The following GPR26 variants were observed in gnomAD, a reference collection of about 807,000 sequenced individuals.
GPR26 encodes the protein G protein-coupled receptor 26.
GPR26 carries 15 observed loss-of-function variants against 23.1 expected under a neutral mutation model. The observed-to-expected ratio is 0.65, with a 90% confidence interval of 0.43 to 1.00. The LOEUF is 1.00. GPR26 is among the 50% of genes least tolerant of loss of function. GPR26 has a pLI of 0.00. For synonymous variants in GPR26, 228 were observed against 222.1 expected (o/e 1.03, Z -0.24); for missense variants, 359 against 470.5 (o/e 0.76, Z 2.19).
In GPR26 at chr10:123,687,859, C is replaced by T; in HGVS notation, c.783-70C>T. ...CCGTGGTCTGCAGGGCACAGACAGG[C>T]CCTGGCCCATGGCCACTCCCAGCGG... On this transcript the variant is annotated intron_variant, in intron 2 of 2. Transcript: ENST00000284674. 9 of 1,057,108 alleles carry T rather than the reference C, an allele frequency of 8.5e-6. No homozygotes were observed. In the South Asian group the frequency reaches 1.0e-4, roughly 12 times the overall value. The allele number at this position is 1,057,108 out of a possible 1,614,324, so 65.5% of individuals were successfully genotyped here.
chr10:123,682,790 C>A (rs1469668250), intron 2 of GPR26, among the ~76,000 whole-genome samples: 1 of 152,078 alleles, frequency 6.6e-6, no homozygotes, highest in Non-Finnish European at 1.5e-5. Flanking sequence ...AGGGGATTCC[C>A]AAAGATTGAT....
At chr10:123,673,596 T>C (rs1366881095) in intron 1 of GPR26, among the ~76,000 whole-genome samples, 1 of 152,218 alleles carries the variant, frequency 6.6e-6, no homozygotes. Context: ...CAAAGCTATG[T>C]CATTGATTCC....
chr10:123,678,207 G>A (rs567096209), intron 2 of GPR26, among the ~76,000 whole-genome samples: 21 of 152,276 alleles, frequency 1.4e-4, no homozygotes, highest in Admixed American at 1.4e-3. Flanking sequence ...CATTTCAGGT[G>A]ACACCCGTGC....
In GPR26 at chr10:123,674,883, C is replaced by T; in HGVS notation, c.734C>T (p.Thr245Ile). ...RRQRATKKIS[T>I]FIGTFLVCFA... ...CAGCGAGCCACCAAGAAGATCAGCA[C>T]CTTCATAGGGACCTTCCTTGTGTGC... The change falls in exon 2 of 3, where the codon ACC (threonine) becomes ATC (isoleucine). Residue 245 changes from threonine (T) to isoleucine (I), a missense_variant. Physicochemically the swap from Thr to Ile is moderately conservative, Grantham distance 89. Transcript: ENST00000284674. This position sits in a 1 kb window ranked among gnomAD's most constrained non-coding sequence, Gnocchi z 4.1. 6.2e-7 allele frequency: 1 copy of T among 1,613,730 alleles called. No homozygotes were observed. The highest frequency in any genetic ancestry group is 1.3e-5 in the African/African-American group (1 of 75,026).
rs12240794 is a variant in GPR26, at chr10:123,695,375, G to A, written c.*7215G>A. 0.035 allele frequency among the ~76,000 whole-genome samples: 5,396 copies of A among 152,226 alleles called. 141 individuals carry two copies. The highest frequency in any genetic ancestry group is 0.052 in the Non-Finnish European group (3,549 of 68,008). On this transcript the variant is annotated 3_prime_UTR_variant, in exon 3 of 3. Coordinates refer to ENST00000284674, the MANE Select transcript of GPR26 (RefSeq NM_153442.4). Reference sequence around the variant, plus strand: ...CACTGTTGTACTCATTCCCTGGCACGGAAGAATTGTTGCACATCTTTAATA... The same window carrying A: ...CACTGTTGTACTCATTCCCTGGCACAGAAGAATTGTTGCACATCTTTAATA...
At chr10:123,687,076 C>A (rs940234295) in intron 2 of GPR26, among the ~76,000 whole-genome samples, 1 of 152,014 alleles carries the variant, frequency 6.6e-6, no homozygotes, top group Non-Finnish European at 1.5e-5. Flanking sequence ...GGTATTAGCA[C>A]CCTTGCCTGG....
rs1020024954 is a variant in GPR26 at position 123,669,158 on chromosome 10, G to T, written c.668+2083G>T. Among the ~76,000 whole-genome samples, 4 of 152,240 alleles carry T rather than the reference G, an allele frequency of 2.6e-5. No homozygotes were observed. In the East Asian group the frequency reaches 5.8e-4, roughly 22 times the overall value. On this transcript the variant is annotated intron_variant, in intron 1 of 2. Transcript: ENST00000284674. ...GCCCAGTCTCATTGGAGAGAGAAAA[G>T]ACTTCTGGGGCCGGGGTTGCCATCG...
At chr10:123,684,809 A>G (rs560605306) in intron 2 of GPR26, among the ~76,000 whole-genome samples, 1 of 152,360 alleles carries the variant, frequency 6.6e-6, no homozygotes, top group East Asian at 1.9e-4. Flanking sequence ...ATTTCTAAGT[A>G]GGATCACATT....
intron 2 of GPR26, among the ~76,000 whole-genome samples, 157 bp downstream of exon 2, chr10:123,675,088 C>T (rs969501094): frequency 6.6e-6 from 1 of 152,144 alleles, no homozygotes; most frequent in African/African-American, 2.4e-5. Flanking sequence ...CAGGAGGCTG[C>T]TTGCTTTTCC....
intron 1 of GPR26, among the ~76,000 whole-genome samples, chr10:123,672,587 C>T (rs1317170036): frequency 2.0e-5 from 3 of 152,214 alleles, no homozygotes; most frequent in South Asian, 4.1e-4. Flanking sequence ...TCTCTGGTTA[C>T]AGCTGTCTCT....
rs188621259 is a variant in GPR26, at chr10:123,682,582, A to G, written c.783-5347A>G. On this transcript the variant is annotated intron_variant, in intron 2 of 2. Transcript: ENST00000284674. ...GTTCTCATCCAAAAGCTCAAATGAC[A>G]TATTTTCTGAATTAAAATCCACATG... is the stretch of plus-strand genomic sequence containing the variant. 2.0e-3 allele frequency among the ~76,000 whole-genome samples: 300 copies of G among 152,322 alleles called. 1 individual carries two copies. The highest frequency in any genetic ancestry group is 6.5e-3 in the African/African-American group (269 of 41,566).
At chr10:123,675,788 G>T (rs959086287) in intron 2 of GPR26, among the ~76,000 whole-genome samples, 2 of 138,504 alleles carry the variant, frequency 1.4e-5, no homozygotes, top group African/African-American at 2.7e-5. Context: ...CAGCATCTGT[G>T]CAGGGTTTTC....
rs142526943 is a variant in GPR26 at position 123,672,610 on chromosome 10, G to A, written c.669-2208G>A. ...TACAGCTGTCTCTGTCAAATGCATA[G>A]GGCAGGAAGAGAACTTCTGCAGTGG... On this transcript the variant is annotated intron_variant, in intron 1 of 2. Coordinates refer to ENST00000284674, the MANE Select transcript of GPR26 (RefSeq NM_153442.4). Among the ~76,000 whole-genome samples the A allele has an allele frequency of 9.7e-3, 1,473 of 152,286 alleles. 15 individuals carry two copies. Among genetic ancestry groups the A allele is most frequent in the Middle Eastern group, 0.031 (9 of 294 alleles).
intron 1 of GPR26, among the ~76,000 whole-genome samples, chr10:123,668,325 T>C (rs967804594): frequency 1.3e-5 from 2 of 152,202 alleles, no homozygotes; most frequent in African/African-American, 4.8e-5. Context: ...CACGTGTTCA[T>C]TGTCCCCCTG....
At chr10:123,671,082 A>G (rs1379685050) in intron 1 of GPR26, among the ~76,000 whole-genome samples, 1 of 152,148 alleles carries the variant, frequency 6.6e-6, no homozygotes, top group African/African-American at 2.4e-5. Flanking sequence ...CCCTTGCCTT[A>G]AAAGCCAGAA....
At position 123,694,519 on chromosome 10, in the gene GPR26, G is replaced by C. The variant is rs768213196; in HGVS notation, c.*6359G>C. On this transcript the variant is annotated 3_prime_UTR_variant, in exon 3 of 3. Transcript: ENST00000284674. ...CCATATATTTTTAGCTACCAAAAAAGAGAAGGAAGAAAGAAAAGAAATAAG... is the reference window on the plus strand; with the variant it reads ...CCATATATTTTTAGCTACCAAAAAACAGAAGGAAGAAAGAAAAGAAATAAG... 1 of 148,342 alleles carries C rather than the reference G, an allele frequency of 6.7e-6. No homozygotes were observed. Among genetic ancestry groups the C allele is most frequent in the Non-Finnish European group, 1.5e-5 (1 of 66,660 alleles). The allele number at this position is 148,342 out of a possible 1,614,324, so 9.2% of individuals were successfully genotyped here. A position where few individuals can be genotyped will look rare whatever the true frequency, so the allele number is the denominator to read the frequency against.
chr10:123,681,194 C>A (rs541859536), intron 2 of GPR26, among the ~76,000 whole-genome samples: 11 of 152,256 alleles, frequency 7.2e-5, no homozygotes, highest in African/African-American at 2.2e-4. Context: ...TTCCAGCCTT[C>A]CCCAATTCCA....
chr10:123,668,419 GTGAC>G (rs1461941538), intron 1 of GPR26, among the ~76,000 whole-genome samples: 1 of 152,218 alleles, frequency 6.6e-6, no homozygotes, highest in African/African-American at 2.4e-5. Context: ...GTACATGTGA[GTGAC>G]TGAGAGCACA....
intron 2 of GPR26, among the ~76,000 whole-genome samples, chr10:123,677,575 C>A (rs1845323771): frequency 6.6e-6 from 1 of 152,202 alleles, no homozygotes; most frequent in African/African-American, 2.4e-5. Flanking sequence ...TAAAAGAATC[C>A]CTCCAGCGGA....
Sources: gnomAD v4.1 joint callset for allele counts (sites outside exome capture counted in the v4.1 genomes callset) on GRCh38, gnomAD v4.1.1 for gene constraint, Gnocchi (gnomAD v3.1) non-coding constraint, MANE v1.5 for transcripts, NCBI Gene and HGNC (gene_info 2026-07-23, HGNC 2026-07-21) for gene names.